The following KCNIP4 variants were observed in gnomAD, a reference collection of about 807,000 sequenced individuals.
KCNIP4 encodes Kv channel-interacting protein 4.
Under a neutral mutation model 34.0 loss-of-function variants are expected in KCNIP4, and 12 were observed. That is an observed-to-expected ratio of 0.35 (90% CI 0.23 to 0.57). The LOEUF (loss-of-function observed/expected upper bound fraction) is 0.57, where lower values mean the gene tolerates loss of function less well. Ranked by LOEUF, KCNIP4 falls within the 20% of genes least tolerant of loss-of-function variation. The probability of loss-of-function intolerance (pLI) is 0.83; values close to 1 mark genes in which losing one functional copy is unlikely to be tolerated. For missense variants in KCNIP4, 238 were observed against 311.7 expected (o/e 0.76, Z 1.78); for synonymous variants, 124 against 102.2 (o/e 1.21, Z -1.29).
chr4:20,818,294 C>T (rs999972100), intron 3 of KCNIP4, among the ~76,000 whole-genome samples: 3 of 152,176 alleles, frequency 2.0e-5, no homozygotes, highest in Admixed American at 6.5e-5. Context: ...GCCAGAAGGG[C>T]AGAGTATTGG....
At chr4:21,829,053 TA>T (rs879359707) in intron 1 of KCNIP4, among the ~76,000 whole-genome samples, 46 of 144,964 alleles carry the variant, frequency 3.2e-4, no homozygotes, top group Admixed American at 7.6e-4. Context: ...ATATTCTAAG[TA>T]AAAAAAAAAA....
intron 1 of KCNIP4, among the ~76,000 whole-genome samples, chr4:21,453,650 AG>A (rs1728694494): frequency 1.3e-5 from 2 of 152,222 alleles, no homozygotes; most frequent in South Asian, 4.1e-4. Context: ...GACACATGTG[AG>A]GGCACTGAGA....
At chr4:21,118,358 C>T in intron 1 of KCNIP4, among the ~76,000 whole-genome samples, 1 of 152,122 alleles carries the variant, frequency 6.6e-6, no homozygotes, top group East Asian at 1.9e-4. Context: ...GCCTTGCTTC[C>T]AACTCAGGAT....
intron 1 of KCNIP4, among the ~76,000 whole-genome samples, chr4:21,280,583 C>T (rs1166364110): frequency 6.6e-6 from 1 of 152,158 alleles, no homozygotes. Context: ...TATCATAACA[C>T]TTTTCTCTCC....
intron 1 of KCNIP4, among the ~76,000 whole-genome samples, chr4:21,409,501 T>C (rs539938712): frequency 6.6e-6 from 1 of 152,264 alleles, no homozygotes; most frequent in African/African-American, 2.4e-5. Context: ...ATTTACCATA[T>C]GAATTAAAAT....
chr4:21,529,454 T>C (rs1736487827), intron 1 of KCNIP4, among the ~76,000 whole-genome samples: 1 of 152,158 alleles, frequency 6.6e-6, no homozygotes, highest in Admixed American at 6.5e-5. Context: ...ACACTACAGC[T>C]GAGATAATTC....
intron 1 of KCNIP4, among the ~76,000 whole-genome samples, chr4:21,155,985 C>A (rs1731792834): frequency 6.6e-6 from 1 of 152,104 alleles, no homozygotes; most frequent in Non-Finnish European, 1.5e-5. Flanking sequence ...AACTTTATAC[C>A]ACTTAGCTGA....
At chr4:21,047,805 C>A (rs1211872985) in intron 1 of KCNIP4, among the ~76,000 whole-genome samples, 5 of 152,156 alleles carry the variant, frequency 3.3e-5, no homozygotes, top group African/African-American at 1.2e-4. Context: ...ATCTGTCCTC[C>A]GTAGTCTGGC....
intron 1 of KCNIP4, among the ~76,000 whole-genome samples, chr4:21,551,059 G>A (rs1404183974): frequency 6.6e-6 from 1 of 152,020 alleles, no homozygotes; most frequent in African/African-American, 2.4e-5. Flanking sequence ...GCAAACATGA[G>A]CTACAGTTTT....
intron 1 of KCNIP4, among the ~76,000 whole-genome samples, chr4:21,633,856 T>A (rs1745929402): frequency 6.6e-6 from 1 of 151,872 alleles, no homozygotes; most frequent in Admixed American, 6.6e-5. Context: ...TTTTCCAAAA[T>A]AAAAAAAATT....
At chr4:20,882,041 A>T (rs1202349379) in intron 2 of KCNIP4, among the ~76,000 whole-genome samples, 1 of 152,208 alleles carries the variant, frequency 6.6e-6, no homozygotes, top group Admixed American at 6.5e-5. Flanking sequence ...ATGCATGTGT[A>T]TGTATGTATA....
At chr4:21,379,077 T>C (rs1000033699) in intron 1 of KCNIP4, among the ~76,000 whole-genome samples, 24 of 152,218 alleles carry the variant, frequency 1.6e-4, no homozygotes, top group African/African-American at 5.5e-4. Context: ...GAGATTTTTT[T>C]CTTAATTTAC....
chr4:21,359,552 G>A (rs193195804), intron 1 of KCNIP4, among the ~76,000 whole-genome samples: 110 of 152,206 alleles, frequency 7.2e-4, no homozygotes, highest in African/African-American at 2.6e-3. Flanking sequence ...TTATCACACT[G>A]TAAACACTGT....
intron 1 of KCNIP4, among the ~76,000 whole-genome samples, chr4:21,113,439 CATCT>C (rs35793599): frequency 0.47 from 58,910 of 124,820 alleles, 13,859 homozygotes; most frequent in African/African-American, 0.61. Flanking sequence ...AGAGGTTGTG[CATCT>C]ATCTATAAGT....
chr4:21,369,766 G>T (rs1720143403), intron 1 of KCNIP4, among the ~76,000 whole-genome samples: 1 of 145,578 alleles, frequency 6.9e-6, no homozygotes, highest in Admixed American at 6.7e-5. Context: ...GCAGTTTGTT[G>T]TTTGGAGTCA....
intron 1 of KCNIP4, among the ~76,000 whole-genome samples, chr4:21,400,310 T>C (rs1230952178): frequency 6.6e-6 from 1 of 151,616 alleles, no homozygotes; most frequent in Non-Finnish European, 1.5e-5. Context: ...ATAACTGTAA[T>C]GCCTGATGGA....
intron 1 of KCNIP4, among the ~76,000 whole-genome samples, chr4:20,977,242 A>G (rs1438909580): frequency 1.3e-5 from 2 of 152,146 alleles, no homozygotes; most frequent in Non-Finnish European, 2.9e-5. Context: ...AGTCTTCACT[A>G]CTTGCAGACA....
intron 1 of KCNIP4, among the ~76,000 whole-genome samples, chr4:21,430,554 A>C (rs1726350674): frequency 6.6e-6 from 1 of 152,140 alleles, no homozygotes; most frequent in Admixed American, 6.6e-5. Flanking sequence ...GTGATGCTTC[A>C]AAAGCCATTT....
In KCNIP4 at chr4:21,720,029, AG is replaced by A. The variant is rs1386639094; in HGVS notation, c.61+228541del. ...AAGAAGAAGAAGAAGGAGAAGGAGA[AG>A]GAGAAGGAGAAGGAGAAGAGGAAAA... On this transcript the variant is annotated intron_variant, in intron 1 of 8. Coordinates refer to ENST00000382152, the MANE Select transcript of KCNIP4 (RefSeq NM_025221.6). Among the ~76,000 whole-genome samples, 4 of 147,548 alleles carry A rather than the reference AG, an allele frequency of 2.7e-5. No homozygotes were observed. The East Asian group carries it at 6.2e-4, about 23-fold the overall frequency.
Sources: allele counts gnomAD v4.1 joint callset (sites outside exome capture counted in the v4.1 genomes callset), GRCh38; gene constraint gnomAD v4.1.1; transcripts MANE v1.5; gene names NCBI Gene and HGNC (gene_info 2026-07-23, HGNC 2026-07-21).